MAGI3: variants seen among roughly 807,000 people sequenced by gnomAD.
The protein encoded by MAGI3 is membrane associated guanylate kinase, WW and PDZ domain containing 3.
MAGI3 carries 43 observed loss-of-function variants against 121.8 expected under a neutral mutation model. That is an observed-to-expected ratio of 0.35 (90% CI 0.28 to 0.46). MAGI3 has a LOEUF of 0.46. Among genes scored for constraint, MAGI3 ranks in the 20% least tolerant of loss-of-function variants. The pLI, the probability that MAGI3 is intolerant of heterozygous loss-of-function variation, is 1.00. For synonymous variants in MAGI3, 553 were observed against 639.3 expected (o/e 0.86, Z 2.04); for missense variants, 1,547 against 1,797.3 (o/e 0.86, Z 2.52).
At chr1:113,601,906 G>A (rs1383216457) in intron 6 of MAGI3, among the ~76,000 whole-genome samples, 1 of 149,502 alleles carries the variant, frequency 6.7e-6, no homozygotes, top group African/African-American at 2.5e-5. Context: ...AAAATGATGA[G>A]TTCATGTCCT....
chr1:113,532,446 TAAC>T (rs1222409144), intron 1 of MAGI3, among the ~76,000 whole-genome samples: 1 of 152,046 alleles, frequency 6.6e-6, no homozygotes, highest in African/African-American at 2.4e-5. Context: ...GTAAAAATGG[TAAC>T]AACATTTAAG....
chr1:113,683,823 G>A lies in MAGI3; in HGVS notation c.4255G>A (p.Val1419Ile). 6.2e-7 allele frequency: 1 copy of A among 1,611,366 alleles called. No individual in the cohort carries two copies. ...KRLKQEPEEK[V>I]VSNKTEDHKG... ...GCTGAAGCAAGAACCTGAAGAGAAGGTAGTTTCAAACAAAACAGAAGATCA... is the reference window on the plus strand; with the variant it reads ...GCTGAAGCAAGAACCTGAAGAGAAGATAGTTTCAAACAAAACAGAAGATCA... The change falls in exon 21 of 21, where the codon GTA (valine) becomes ATA (isoleucine). Residue 1419 changes from valine (V) to isoleucine (I), a missense_variant. Physicochemically the swap from Val to Ile is conservative, Grantham distance 29. Transcript: ENST00000307546.
At chr1:113,545,269 G>A (rs1054687013) in intron 1 of MAGI3, among the ~76,000 whole-genome samples, 1 of 151,956 alleles carries the variant, frequency 6.6e-6, no homozygotes, top group African/African-American at 2.4e-5. Context: ...GAAGAGAATG[G>A]GATGATCACC....
chr1:113,542,413 C>T (rs569191157), intron 1 of MAGI3, among the ~76,000 whole-genome samples: 111 of 152,308 alleles, frequency 7.3e-4, no homozygotes, highest in African/African-American at 2.5e-3. Flanking sequence ...ATGTCTGGAA[C>T]TTTCCATTTA....
intron 1 of MAGI3, among the ~76,000 whole-genome samples, chr1:113,533,883 C>T (rs1050175991): frequency 1.3e-5 from 2 of 151,098 alleles, no homozygotes; most frequent in African/African-American, 2.4e-5. Flanking sequence ...TCTTGGGACA[C>T]GGTGAATATT....
At chr1:113,486,051 G>C (rs1278640736) in intron 1 of MAGI3, among the ~76,000 whole-genome samples, 1 of 152,178 alleles carries the variant, frequency 6.6e-6, no homozygotes, top group Non-Finnish European at 1.5e-5. Context: ...GTACCATGCT[G>C]TTTTAATGAC....
intron 1 of MAGI3, among the ~76,000 whole-genome samples, chr1:113,517,521 G>T (rs1042245536): frequency 3.3e-5 from 5 of 151,832 alleles, no homozygotes; most frequent in East Asian, 3.9e-4. Context: ...AGGCACAAAG[G>T]TGCAAAGTAC....
Position 113,642,069 on chromosome 1 carries a change from A to T in MAGI3, c.1519A>T (p.Ile507Phe). The T allele has an allele frequency of 6.2e-7, 1 of 1,614,122 alleles. No homozygotes were observed. ...TGACAGTGAAGATCCTGTTGTGGAC[A>T]TTGTTGCTGCTACCCCTGTCATCAA... The part of the protein sequence containing the change: ...PDDSEDPVVD[I>F]VAATPVINGQ... The change falls in exon 10 of 21, where the codon ATT becomes TTT. Residue 507 changes from isoleucine (I) to phenylalanine (F), a missense_variant. Coordinates refer to ENST00000307546, the MANE Select transcript of MAGI3 (RefSeq NM_001142782.2).
At chr1:113,656,816 G>A (rs1246748387) in intron 15 of MAGI3, among the ~76,000 whole-genome samples, 2 of 152,112 alleles carry the variant, frequency 1.3e-5, no homozygotes, top group Non-Finnish European at 2.9e-5. Context: ...GGAATTCTGA[G>A]TTTCTCTACT....
intron 8 of MAGI3, among the ~76,000 whole-genome samples, chr1:113,620,935 TG>T (rs1650779411): frequency 6.6e-6 from 1 of 152,212 alleles, no homozygotes; most frequent in African/African-American, 2.4e-5. Context: ...GTGCCTACAA[TG>T]GTATTAAGCA....
In MAGI3 at chr1:113,658,636, G is replaced by A. The variant is rs532972830; in HGVS notation, c.2630-444G>A. ...TTTATTTACAAGGTTCCTTATGGGAGCAAGTGTCCCTTTAACAGAAGCAAA... is the reference window on the plus strand; with the variant it reads ...TTTATTTACAAGGTTCCTTATGGGAACAAGTGTCCCTTTAACAGAAGCAAA... On this transcript the variant is annotated intron_variant, in intron 15 of 20. Coordinates refer to ENST00000307546, the MANE Select transcript of MAGI3 (RefSeq NM_001142782.2). The surrounding 1 kb of genome is among the most constrained non-coding windows in gnomAD (Gnocchi z 4.0). 2.2e-4 allele frequency among the ~76,000 whole-genome samples: 34 copies of A among 152,228 alleles called. No homozygotes were observed. Among genetic ancestry groups the A allele is most frequent in the Admixed American group, 1.6e-3 (25 of 15,282 alleles).
intron 1 of MAGI3, among the ~76,000 whole-genome samples, chr1:113,410,474 G>GTGAATAC (rs1651916932): frequency 6.6e-6 from 1 of 151,938 alleles, no homozygotes; most frequent in Admixed American, 6.6e-5. Context: ...TCCTAGACGT[G>GTGAATAC]TGAATACATG....
intron 1 of MAGI3, among the ~76,000 whole-genome samples, chr1:113,473,381 A>G (rs1655639649): frequency 6.6e-6 from 1 of 152,126 alleles, no homozygotes; most frequent in Non-Finnish European, 1.5e-5. Flanking sequence ...CATCATTTAC[A>G]TTAGGTATTT....
chr1:113,518,499 A>AAGCATAATTTT (rs1658034190), intron 1 of MAGI3, among the ~76,000 whole-genome samples: 1 of 152,122 alleles, frequency 6.6e-6, no homozygotes, highest in Non-Finnish European at 1.5e-5. Flanking sequence ...AGTACAATAA[A>AAGCATAATTTT]AGCATAATTT....
intron 1 of MAGI3, among the ~76,000 whole-genome samples, chr1:113,427,815 T>C (rs1198511708): frequency 6.6e-6 from 1 of 152,178 alleles, no homozygotes; most frequent in African/African-American, 2.4e-5. Flanking sequence ...ACGCTGCCTT[T>C]TTTTTTGAGG....
chr1:113,511,411 T>C (rs1199082959), intron 1 of MAGI3, among the ~76,000 whole-genome samples: 1 of 152,232 alleles, frequency 6.6e-6, no homozygotes, highest in African/African-American at 2.4e-5. Flanking sequence ...AACAAATGCT[T>C]CGTGCTGCAA....
At chr1:113,464,581 T>C (rs1209661283) in intron 1 of MAGI3, among the ~76,000 whole-genome samples, 1 of 152,206 alleles carries the variant, frequency 6.6e-6, no homozygotes, top group Non-Finnish European at 1.5e-5. Flanking sequence ...TATACTATTC[T>C]GTGTAGTGAT....
chr1:113,468,268 T>C (rs978032378), intron 1 of MAGI3, among the ~76,000 whole-genome samples: 1 of 152,212 alleles, frequency 6.6e-6, no homozygotes, highest in African/African-American at 2.4e-5. Flanking sequence ...TGCTTGTTTG[T>C]AATTCCTCTC....
chr1:113,646,561 C>A lies in MAGI3; in HGVS notation c.2074C>A (p.Pro692Thr). 1 of 1,613,568 alleles carries A rather than the reference C, an allele frequency of 6.2e-7. No individual in the cohort carries two copies. The highest frequency in any genetic ancestry group is 1.1e-5 in the South Asian group (1 of 90,990). ...TATTCCTCAGCCTATGCCTTTTCCA[C>A]CGAGCATTATCAGGTCAGGATCCCC... ...EPIPQPMPFP[P>T]SIIRSGSPKL... Residue 692 changes from proline to threonine, a missense_variant, in exon 12 of 21, where the codon CCG (proline) becomes ACG (threonine). Physicochemically the swap from Pro to Thr is conservative, Grantham distance 38. Transcript: ENST00000307546.
Sources: allele counts gnomAD v4.1 joint callset (sites outside exome capture counted in the v4.1 genomes callset), GRCh38; gene constraint gnomAD v4.1.1; non-coding constraint Gnocchi (gnomAD v3.1); transcripts MANE v1.5; gene names NCBI Gene and HGNC (gene_info 2026-07-23, HGNC 2026-07-21).